ATXN7: variants seen among roughly 807,000 people sequenced by gnomAD.
ATXN7 encodes ataxin-7.
In ATXN7, 12 loss-of-function variants were observed where a neutral mutation model predicts 70.5. That is an observed-to-expected ratio of 0.17 (90% CI 0.11 to 0.28). The LOEUF (loss-of-function observed/expected upper bound fraction) is 0.28, where lower values mean the gene tolerates loss of function less well. ATXN7 is among the 10% of genes least tolerant of loss of function. The probability of loss-of-function intolerance (pLI) is 1.00; values close to 1 mark genes in which losing one functional copy is unlikely to be tolerated. For synonymous variants in ATXN7, 498 were observed against 448.7 expected (o/e 1.11, Z -1.39); for missense variants, 1,256 against 1,131.7 (o/e 1.11, Z -1.58).
At chr3:63,903,711 T>A (rs1407376728) in intron 2 of ATXN7, 1 of 152,190 alleles carries the variant, frequency 6.6e-6, no homozygotes, top group Non-Finnish European at 1.5e-5. Flanking sequence ...GCAGAGGAGC[T>A]AACTGAGGTA....
chr3:63,912,496 C>T (rs1331740289), intron 2 of ATXN7, 92 bp from the exon 3 acceptor site: 3 of 864,040 alleles, frequency 3.5e-6, no homozygotes, highest in African/African-American at 3.7e-5. Flanking sequence ...CCACCCGGTC[C>T]GCGGGCCGCG....
chr3:63,997,837 A>G, intron 12 of ATXN7: 2 of 1,446,254 alleles, frequency 1.4e-6, no homozygotes, highest in East Asian at 2.5e-5. Context: ...ATTTGGGTGA[A>G]TTAACACCCA....
At chr3:63,868,430 C>G (rs933196778) in intron 1 of ATXN7, among the ~76,000 whole-genome samples, 1 of 152,194 alleles carries the variant, frequency 6.6e-6, no homozygotes, top group African/African-American at 2.4e-5. Flanking sequence ...GAAGGACTTA[C>G]AAGCCAGGTT....
intron 4 of ATXN7, among the ~76,000 whole-genome samples, chr3:63,919,291 A>G (rs1575895142): frequency 6.6e-6 from 1 of 152,216 alleles, no homozygotes; most frequent in Non-Finnish European, 1.5e-5. Context: ...AACAGAGACC[A>G]TATGACCCAC....
chr3:63,877,482 C>T (rs1215951361), intron 1 of ATXN7, among the ~76,000 whole-genome samples: 6 of 152,242 alleles, frequency 3.9e-5, no homozygotes, highest in Non-Finnish European at 7.3e-5. Flanking sequence ...GCTTGTCAGA[C>T]TGCCCGCCAG....
At chr3:63,978,549 A>C (rs1384597563) in intron 5 of ATXN7, among the ~76,000 whole-genome samples, 1 of 152,246 alleles carries the variant, frequency 6.6e-6, no homozygotes, top group Non-Finnish European at 1.5e-5. Context: ...AAATTTGGAA[A>C]ACTGCCGAAC....
chr3:63,928,466 A>G (rs753369980), intron 4 of ATXN7, among the ~76,000 whole-genome samples: 1 of 152,138 alleles, frequency 6.6e-6, no homozygotes. Flanking sequence ...AAAATTAAGC[A>G]TCTTAGACAA....
chr3:63,944,833 C>T (rs1203891451), intron 4 of ATXN7, among the ~76,000 whole-genome samples: 3 of 151,914 alleles, frequency 2.0e-5, no homozygotes, highest in East Asian at 1.9e-4. Flanking sequence ...GCTCTGTCAC[C>T]CAGGCTGAAG....
At chr3:63,867,576 C>T (rs1702470989) in intron 1 of ATXN7, among the ~76,000 whole-genome samples, 1 of 152,186 alleles carries the variant, frequency 6.6e-6, no homozygotes, top group Non-Finnish European at 1.5e-5. Context: ...AAGTTATCTT[C>T]AGGCTGGGCA....
chr3:63,990,971 C>T (rs1170711547), intron 11 of ATXN7, 112 bp downstream of exon 11: 4 of 1,526,436 alleles, frequency 2.6e-6, no homozygotes, highest in Non-Finnish European at 3.6e-6. Flanking sequence ...CAAAACTGGC[C>T]TTTGGCCCTG....
At chr3:63,881,122 C>T (rs1702894601) in intron 1 of ATXN7, among the ~76,000 whole-genome samples, 1 of 152,152 alleles carries the variant, frequency 6.6e-6, no homozygotes, top group South Asian at 2.1e-4. Flanking sequence ...ATTATCTTTT[C>T]AGTTAAACCC....
chr3:63,990,761 G>T lies in ATXN7; in HGVS notation c.1584G>T (p.Gln528His). ...AGTTTTGCACATTTGGGAGCCGGCA[G>T]ATAGGAAGAGGCTATTACGTGTTTG... Reference protein sequence around the residue: ...PASFCTFGSRQIGRGYYVFDS... With the variant: ...PASFCTFGSRHIGRGYYVFDS... The change falls in exon 11 of 13, where the codon CAG becomes CAT. Residue 528 changes from glutamine (Q) to histidine (H), a missense_variant. Transcript: ENST00000674280. 6.2e-7 allele frequency: 1 copy of T among 1,614,156 alleles called. No homozygotes were observed. Among genetic ancestry groups the T allele is most frequent in the Non-Finnish European group, 8.5e-7 (1 of 1,180,002 alleles).
At chr3:63,910,602 G>A (rs116330443) in intron 2 of ATXN7, among the ~76,000 whole-genome samples, 1,749 of 152,096 alleles carry the variant, frequency 0.011, 20 homozygotes, top group Non-Finnish European at 0.018. Flanking sequence ...TCCTGTCAAG[G>A]GAATTATATG....
intron 4 of ATXN7, among the ~76,000 whole-genome samples, chr3:63,925,319 C>T (rs760274701): frequency 6.6e-5 from 10 of 152,128 alleles, no homozygotes; most frequent in South Asian, 2.1e-4. Context: ...CCCAACTTCT[C>T]GGCTGTGGAT....
chr3:63,908,266 C>T (rs1386026439), intron 2 of ATXN7, among the ~76,000 whole-genome samples: 1 of 152,176 alleles, frequency 6.6e-6, no homozygotes, highest in Non-Finnish European at 1.5e-5. Context: ...TACTGATATT[C>T]ATGACAAGCT....
At chr3:63,998,199 A>AAG in intron 12 of ATXN7, 2 of 379,862 alleles carry the variant, frequency 5.3e-6, no homozygotes, top group Non-Finnish European at 6.5e-6. Flanking sequence ...AAAAGGACAG[A>AAG]AGGGGGGGGG....
chr3:63,913,972 T>C (rs1319988009), intron 4 of ATXN7, among the ~76,000 whole-genome samples: 1 of 152,192 alleles, frequency 6.6e-6, no homozygotes. Context: ...TGTTGTCTAA[T>C]ACCTGCACTA....
intron 4 of ATXN7, among the ~76,000 whole-genome samples, chr3:63,918,022 T>C (rs973646319): frequency 1.3e-5 from 2 of 152,206 alleles, no homozygotes; most frequent in Non-Finnish European, 2.9e-5. Context: ...ACCTCTCTTA[T>C]CTTTGATATT....
upstream of ATXN7, chr3:63,863,702 A>G: frequency 8.1e-7 from 1 of 1,242,110 alleles, no homozygotes; most frequent in Middle Eastern, 3.1e-4. Flanking sequence ...GCGGGCCGGG[A>G]GGCCAGGGGT....
Sources: allele counts gnomAD v4.1 joint callset (sites outside exome capture counted in the v4.1 genomes callset), GRCh38; gene constraint gnomAD v4.1.1; transcripts MANE v1.5; gene names NCBI Gene and HGNC (gene_info 2026-07-23, HGNC 2026-07-21).